The following KCNMB2 variants were observed in gnomAD, a reference collection of about 807,000 sequenced individuals.
The protein encoded by KCNMB2 is calcium-activated potassium channel subunit beta-2.
Under a neutral mutation model 24.5 loss-of-function variants are expected in KCNMB2, and 9 were observed. The observed-to-expected ratio is 0.37, with a 90% CI of 0.22 to 0.64. The LOEUF is 0.64. Ranked by LOEUF, KCNMB2 falls within the 30% of genes least tolerant of loss-of-function variation. KCNMB2 has a pLI of 0.63. For synonymous variants in KCNMB2, 109 were observed against 104.4 expected, an observed-to-expected ratio of 1.04 and a Z score of -0.27; for missense variants, 226 against 284.3, an observed-to-expected ratio of 0.79 and a Z score of 1.47.
intron 1 of KCNMB2, among the ~76,000 whole-genome samples, chr3:178,633,095 C>T (rs954219307): frequency 3.3e-5 from 5 of 152,204 alleles, no homozygotes; most frequent in African/African-American, 1.2e-4. Flanking sequence ...GCAGCTCCGC[C>T]CCTGTAGCTT....
chr3:178,733,359 A>G (rs1056764169), intron 1 of KCNMB2, among the ~76,000 whole-genome samples: 6 of 152,230 alleles, frequency 3.9e-5, no homozygotes, highest in African/African-American at 1.2e-4. Flanking sequence ...CGAGAAGTCA[A>G]ACAACACAGG....
chr3:178,779,863 T>C (rs1712750168), intron 1 of KCNMB2, among the ~76,000 whole-genome samples: 1 of 152,110 alleles, frequency 6.6e-6, no homozygotes, highest in Non-Finnish European at 1.5e-5. Context: ...TACTATACCA[T>C]CCTCATTAAC....
chr3:178,656,349 G>A (rs911947803), intron 1 of KCNMB2, among the ~76,000 whole-genome samples: 2 of 152,278 alleles, frequency 1.3e-5, no homozygotes, highest in South Asian at 4.1e-4. Context: ...GAATTCAAAT[G>A]ATATTCCTAT....
At chr3:178,803,330 T>A (rs1390478587) in intron 1 of KCNMB2, among the ~76,000 whole-genome samples, 1 of 152,070 alleles carries the variant, frequency 6.6e-6, no homozygotes, top group Non-Finnish European at 1.5e-5. Context: ...AAATTTTCTG[T>A]CCAAGCCAAT....
At chr3:178,659,301 G>A (rs1476046887) in intron 1 of KCNMB2, among the ~76,000 whole-genome samples, 1 of 152,188 alleles carries the variant, frequency 6.6e-6, no homozygotes, top group East Asian at 1.9e-4. Context: ...CAAAACATTT[G>A]TGAAGAACAA....
chr3:178,792,332 G>C (rs1244297754), intron 1 of KCNMB2, among the ~76,000 whole-genome samples: 1 of 152,118 alleles, frequency 6.6e-6, no homozygotes, highest in East Asian at 1.9e-4. Flanking sequence ...TCAGTGTTAA[G>C]TTGTTGTCAG....
chr3:178,618,658 T>C (rs1315641966), intron 1 of KCNMB2, among the ~76,000 whole-genome samples: 1 of 152,180 alleles, frequency 6.6e-6, no homozygotes, highest in Non-Finnish European at 1.5e-5. Flanking sequence ...CCGAAAGCCA[T>C]AAAGAAGTTT....
intron 1 of KCNMB2, among the ~76,000 whole-genome samples, chr3:178,756,746 T>A (rs561449028): frequency 1.3e-5 from 2 of 152,246 alleles, no homozygotes; most frequent in East Asian, 3.9e-4. Context: ...TACAGGCACA[T>A]ATCAGCCAAT....
intron 2 of KCNMB2, among the ~76,000 whole-genome samples, chr3:178,819,222 A>G (rs1237522406): frequency 1.3e-5 from 2 of 152,208 alleles, no homozygotes; most frequent in East Asian, 1.9e-4. Flanking sequence ...CCTGAAGCCA[A>G]TTTGCCAAAG....
chr3:178,699,420 G>A (rs958654249), intron 1 of KCNMB2, among the ~76,000 whole-genome samples: 1 of 152,188 alleles, frequency 6.6e-6, no homozygotes. Context: ...AAAGTGATAT[G>A]AGGAATTGAT....
chr3:178,577,850 C>G (rs1055679138), intron 1 of KCNMB2, among the ~76,000 whole-genome samples: 2 of 152,136 alleles, frequency 1.3e-5, no homozygotes, highest in African/African-American at 4.8e-5. Flanking sequence ...AAGGAAAGAA[C>G]AAAGCCTCCA....
intron 1 of KCNMB2, among the ~76,000 whole-genome samples, chr3:178,665,848 A>T (rs182332809): frequency 6.6e-6 from 1 of 152,342 alleles, no homozygotes; most frequent in Non-Finnish European, 1.5e-5. Flanking sequence ...CTAAGACCAT[A>T]CAAGTGACCA....
chr3:178,770,676 A>G (rs1712312846), intron 1 of KCNMB2, among the ~76,000 whole-genome samples: 1 of 152,242 alleles, frequency 6.6e-6, no homozygotes, highest in Admixed American at 6.5e-5. Context: ...AAAATGGTGC[A>G]GAGGGCTGCC....
intron 1 of KCNMB2, among the ~76,000 whole-genome samples, chr3:178,581,233 C>T (rs1717192074): frequency 6.6e-6 from 1 of 152,186 alleles, no homozygotes; most frequent in South Asian, 2.1e-4. Context: ...ACCATCTGGT[C>T]TTTGACAGAC....
intron 1 of KCNMB2, among the ~76,000 whole-genome samples, chr3:178,710,632 G>A (rs1485865956): frequency 6.6e-6 from 1 of 152,116 alleles, no homozygotes; most frequent in East Asian, 1.9e-4. Context: ...ATGTGTATGT[G>A]TGTGCGTGAG....
chr3:178,633,126 C>T (rs1311916559), intron 1 of KCNMB2, among the ~76,000 whole-genome samples: 3 of 152,202 alleles, frequency 2.0e-5, no homozygotes, highest in Admixed American at 2.0e-4. Flanking sequence ...AGCCCCCCCG[C>T]CAGCTCCTTT....
At chr3:178,794,821 G>A (rs564834902) in intron 1 of KCNMB2, among the ~76,000 whole-genome samples, 74 of 152,322 alleles carry the variant, frequency 4.9e-4, no homozygotes, top group African/African-American at 1.7e-3. Context: ...GAGCCCCCTG[G>A]CCATAGGCAG....
At chr3:178,615,069 G>A (rs142541853) in intron 1 of KCNMB2, among the ~76,000 whole-genome samples, 40 of 152,264 alleles carry the variant, frequency 2.6e-4, no homozygotes, top group African/African-American at 9.6e-4. Flanking sequence ...AGAATTATCT[G>A]GATTACCTGA....
At chr3:178,700,646 G>T (rs998896427) in intron 1 of KCNMB2, among the ~76,000 whole-genome samples, 1 of 152,118 alleles carries the variant, frequency 6.6e-6, no homozygotes, top group Admixed American at 6.5e-5. Context: ...ATATGACTGA[G>T]ATTTAGGAAG....
Sources: allele counts gnomAD v4.1 joint callset (sites outside exome capture counted in the v4.1 genomes callset), GRCh38; gene constraint gnomAD v4.1.1; transcripts MANE v1.5; gene names NCBI Gene and HGNC (gene_info 2026-07-23, HGNC 2026-07-21).